The following SH3RF1 variants were observed in gnomAD, a reference collection of about 807,000 sequenced individuals.
SH3RF1 encodes SH3 domain containing ring finger 1, also known as E3 ubiquitin-protein ligase SH3RF1.
SH3RF1 carries 32 observed loss-of-function variants against 74.0 expected under a neutral mutation model. That is an observed-to-expected ratio of 0.43 (90% CI 0.33 to 0.58). The LOEUF is 0.58. Ranked by LOEUF, SH3RF1 falls within the 20% of genes least tolerant of loss-of-function variation. The pLI, the probability that SH3RF1 is intolerant of heterozygous loss-of-function variation, is 0.05. For missense variants in SH3RF1, 954 were observed against 1,130.9 expected (o/e 0.84, Z 2.24); for synonymous variants, 396 against 439.6 (o/e 0.90, Z 1.24).
Position 169,107,265 on chromosome 4 carries a change from C to A in SH3RF1, c.2140-60G>T, listed in dbSNP as rs1043070761. The A allele has an allele frequency of 4.2e-6, 6 of 1,424,064 alleles. 1 individual carries two copies. The highest frequency in any genetic ancestry group is 5.7e-6 in the Non-Finnish European group (6 of 1,054,650). The allele number at this position is 1,424,064 out of a possible 1,614,324, so 88.2% of individuals were successfully genotyped here. A position where few individuals can be genotyped will look rare whatever the true frequency, so the allele number is the denominator to read the frequency against. On this transcript the variant is annotated intron_variant, in intron 10 of 11. Transcript: ENST00000284637. Reference sequence around the variant, plus strand: ...ATGACAGTACTATTGCTGGTGTAATCTAAAGGGCCCTATAGTTCATTACTA... The same window carrying A: ...ATGACAGTACTATTGCTGGTGTAATATAAAGGGCCCTATAGTTCATTACTA...
intron 2 of SH3RF1, among the ~76,000 whole-genome samples, chr4:169,213,402 T>C (rs1268573674): frequency 1.3e-5 from 2 of 152,268 alleles, no homozygotes; most frequent in Admixed American, 6.5e-5. Flanking sequence ...AACAGTTCTT[T>C]GTACATTGTA....
At chr4:169,175,918 A>G (rs935554037) in intron 2 of SH3RF1, among the ~76,000 whole-genome samples, 3 of 152,214 alleles carry the variant, frequency 2.0e-5, no homozygotes, top group African/African-American at 7.2e-5. Flanking sequence ...GGTTAGTATG[A>G]GAGTGGAACC....
intron 2 of SH3RF1, among the ~76,000 whole-genome samples, chr4:169,228,202 A>G (rs1730680294): frequency 6.6e-6 from 1 of 152,236 alleles, no homozygotes; most frequent in African/African-American, 2.4e-5. Flanking sequence ...ACACAGGCAG[A>G]TAGTCTTCAA....
intron 1 of SH3RF1, 92 bp downstream of exon 1, chr4:169,270,767 G>C (rs867110196): frequency 3.9e-5 from 6 of 152,124 alleles, no homozygotes; most frequent in Admixed American, 6.5e-5. Flanking sequence ...CCAGGGCGGG[G>C]ATGGGGGAAT....
At chr4:169,206,824 T>C (rs181590013) in intron 2 of SH3RF1, among the ~76,000 whole-genome samples, 236 of 152,270 alleles carry the variant, frequency 1.5e-3, no homozygotes, top group Non-Finnish European at 2.9e-3. Flanking sequence ...ACAAAATGAA[T>C]AGAGAATTAT....
At chr4:169,134,261 A>G (rs757394742) in intron 5 of SH3RF1, among the ~76,000 whole-genome samples, 33 of 152,184 alleles carry the variant, frequency 2.2e-4, no homozygotes, top group Non-Finnish European at 4.1e-4. Context: ...ACACAGAAAG[A>G]GCCTTGTTTC....
At chr4:169,146,701 G>C (rs1296553184) in intron 4 of SH3RF1, among the ~76,000 whole-genome samples, 2 of 152,022 alleles carry the variant, frequency 1.3e-5, no homozygotes, top group Non-Finnish European at 2.9e-5. Context: ...AGAGAGCAGG[G>C]GTAAGCGATT....
intron 2 of SH3RF1, among the ~76,000 whole-genome samples, chr4:169,220,730 C>T (rs1008288485): frequency 6.6e-6 from 1 of 152,186 alleles, no homozygotes; most frequent in Non-Finnish European, 1.5e-5. Flanking sequence ...CAACACAAAG[C>T]TTGAACATAC....
intron 2 of SH3RF1, among the ~76,000 whole-genome samples, chr4:169,229,145 A>T (rs7676478): frequency 0.01 from 1,531 of 152,286 alleles, 32 homozygotes; most frequent in African/African-American, 0.035. Context: ...GTTTTGAGAC[A>T]GGATCTTGTT....
intron 4 of SH3RF1, 122 bp downstream of exon 4, chr4:169,155,358 C>T: frequency 8.8e-6 from 6 of 685,486 alleles, no homozygotes; most frequent in Non-Finnish European, 1.5e-5. Flanking sequence ...GTCCAGTGAT[C>T]TGTAACAGGG....
intron 2 of SH3RF1, among the ~76,000 whole-genome samples, chr4:169,189,291 C>T (rs1013597137): frequency 1.3e-5 from 2 of 152,228 alleles, no homozygotes; most frequent in Non-Finnish European, 2.9e-5. Flanking sequence ...GGCAGCACCT[C>T]GTGCTGACAT....
chr4:169,243,016 C>T (rs1730937741), intron 2 of SH3RF1, among the ~76,000 whole-genome samples: 1 of 152,200 alleles, frequency 6.6e-6, no homozygotes, highest in South Asian at 2.1e-4. Context: ...TGAGAAACAG[C>T]ATTGCATGAA....
At chr4:169,109,453 G>A (rs978988009) in intron 10 of SH3RF1, among the ~76,000 whole-genome samples, 2 of 152,280 alleles carry the variant, frequency 1.3e-5, no homozygotes, top group Admixed American at 6.5e-5. Flanking sequence ...AACTGATGCT[G>A]ACTACCCACA....
chr4:169,100,383 C>G (rs1732999853), intron 11 of SH3RF1, among the ~76,000 whole-genome samples: 2 of 152,110 alleles, frequency 1.3e-5, no homozygotes, highest in South Asian at 4.1e-4. Context: ...CTCTTGTCAC[C>G]CAGGCTAGAG....
chr4:169,097,683 A>G (rs939204013), intron 11 of SH3RF1, among the ~76,000 whole-genome samples: 3 of 152,112 alleles, frequency 2.0e-5, no homozygotes, highest in African/African-American at 7.2e-5. Context: ...ATGGTAGCCA[A>G]CCTCCAAGAT....
chr4:169,141,586 T>C (rs1229453381), intron 4 of SH3RF1, among the ~76,000 whole-genome samples: 1 of 152,162 alleles, frequency 6.6e-6, no homozygotes, highest in East Asian at 1.9e-4. Flanking sequence ...TTCCATACTC[T>C]ATCCATATTT....
intron 2 of SH3RF1, among the ~76,000 whole-genome samples, chr4:169,257,201 G>A (rs1731205391): frequency 6.6e-6 from 1 of 152,120 alleles, no homozygotes; most frequent in Non-Finnish European, 1.5e-5. Flanking sequence ...TGTCCAGCAG[G>A]AATCACAGAG....
At chr4:169,100,630 A>T (rs1266691342) in intron 11 of SH3RF1, among the ~76,000 whole-genome samples, 2 of 152,142 alleles carry the variant, frequency 1.3e-5, no homozygotes, top group Non-Finnish European at 2.9e-5. Context: ...AACCCAGTCT[A>T]TGCAGAGCTC....
intron 4 of SH3RF1, among the ~76,000 whole-genome samples, chr4:169,140,422 G>A (rs534027913): frequency 6.6e-6 from 1 of 152,246 alleles, no homozygotes; most frequent in South Asian, 2.1e-4. Flanking sequence ...ATTTGGTAAG[G>A]AGCTTTGATA....
Sources: allele counts gnomAD v4.1 joint callset (sites outside exome capture counted in the v4.1 genomes callset), GRCh38; gene constraint gnomAD v4.1.1; transcripts MANE v1.5; gene names NCBI Gene and HGNC (gene_info 2026-07-23, HGNC 2026-07-21).